ELL: variants seen among roughly 807,000 people sequenced by gnomAD.
ELL encodes the protein RNA polymerase II elongation factor ELL.
ELL carries 18 observed loss-of-function variants against 64.0 expected under a neutral mutation model. The ratio of observed to expected loss-of-function variants is 0.28; its 90% CI spans 0.19 to 0.42. ELL has a LOEUF of 0.42. Ranked by LOEUF, ELL falls within the 10% of genes least tolerant of loss-of-function variation. The pLI, the probability that ELL is intolerant of heterozygous loss-of-function variation, is 1.00. For missense variants in ELL, 797 were observed against 870.4 expected (o/e 0.92, Z 1.06); for synonymous variants, 399 against 376.2 (o/e 1.06, Z -0.70).
intron 1 of ELL, among the ~76,000 whole-genome samples, chr19:18,490,335 A>G (rs1975501663): frequency 6.6e-6 from 1 of 152,218 alleles, no homozygotes; most frequent in East Asian, 1.9e-4. Flanking sequence ...GAGAGTAAAA[A>G]TACTCTTCTG....
chr19:18,472,563 A>C, intron 2 of ELL: 1 of 455,538 alleles, frequency 2.2e-6, no homozygotes, highest in Non-Finnish European at 3.9e-6. Context: ...CTGCCCTATC[A>C]GAGTGGAAGC....
rs1407026708 is a variant in ELL at position 18,444,744 on chromosome 19, G to A, written c.*8C>T. 4.4e-6 allele frequency: 7 copies of A among 1,594,452 alleles called. No homozygotes were observed. Among genetic ancestry groups the A allele is most frequent in the Admixed American group, 1.7e-5 (1 of 59,108 alleles). ...ACCCTCCCAGATCCCCGCCATCGGGGAGGGCGGCTAGGGCCAAGCCTGCAG... is the reference window on the plus strand; with the variant it reads ...ACCCTCCCAGATCCCCGCCATCGGGAAGGGCGGCTAGGGCCAAGCCTGCAG... On this transcript the variant is annotated 3_prime_UTR_variant, in exon 12 of 12. Coordinates refer to ENST00000262809, the MANE Select transcript of ELL (RefSeq NM_006532.4).
At chr19:18,505,258 A>G (rs767269293) in intron 1 of ELL, among the ~76,000 whole-genome samples, 14 of 152,254 alleles carry the variant, frequency 9.2e-5, no homozygotes, top group African/African-American at 3.1e-4. Flanking sequence ...CTCACCCAAC[A>G]GCAAATGCAA....
At chr19:18,495,629 GAC>G (rs1185930957) in intron 1 of ELL, among the ~76,000 whole-genome samples, 1 of 152,246 alleles carries the variant, frequency 6.6e-6, no homozygotes, top group African/African-American at 2.4e-5. Context: ...TAGGCAGAGT[GAC>G]AGGCGGCAGT....
At chr19:18,476,148 G>A in intron 1 of ELL, among the ~76,000 whole-genome samples, 1 of 152,336 alleles carries the variant, frequency 6.6e-6, no homozygotes, top group Non-Finnish European at 1.5e-5. Flanking sequence ...GGGTATTCTG[G>A]AGGAGGGAGC....
intron 1 of ELL, among the ~76,000 whole-genome samples, chr19:18,508,489 G>A (rs1284520530): frequency 2.6e-5 from 4 of 152,214 alleles, no homozygotes; most frequent in African/African-American, 7.2e-5. Context: ...AAAGGGGCCA[G>A]AACAAAAGGA....
chr19:18,500,666 G>A (rs1422932055), intron 1 of ELL, among the ~76,000 whole-genome samples: 2 of 152,154 alleles, frequency 1.3e-5, no homozygotes, highest in African/African-American at 4.8e-5. Flanking sequence ...ACCTCTTGGC[G>A]AGCTCTCCCT....
At chr19:18,495,467 C>T (rs1975629346) in intron 1 of ELL, among the ~76,000 whole-genome samples, 5 of 152,222 alleles carry the variant, frequency 3.3e-5, no homozygotes. Flanking sequence ...CAACACCCAC[C>T]CAGCTGCCCT....
At position 18,450,984 on chromosome 19, in the gene ELL, G is replaced by T; in HGVS notation, c.967-9C>A. ...GGAGGCTGCAGCCGCTTCTGGAGAG[G>T]AGCAGAGATCATTTTAGAGGGGAGC... On this transcript the variant is annotated splice_polypyrimidine_tract_variant and intron_variant, in intron 7 of 11. Transcript: ENST00000262809. 1 of 1,516,184 alleles carries T rather than the reference G, an allele frequency of 6.6e-7. No homozygotes were observed. The highest frequency in any genetic ancestry group is 1.3e-5 in the South Asian group (1 of 77,052). The allele number at this position is 1,516,184 out of a possible 1,614,324, so 93.9% of individuals were successfully genotyped here. A position where few individuals can be genotyped will look rare whatever the true frequency, so the allele number is the denominator to read the frequency against.
intron 1 of ELL, among the ~76,000 whole-genome samples, chr19:18,505,317 C>T (rs565964344): frequency 7.2e-5 from 11 of 152,342 alleles, no homozygotes; most frequent in East Asian, 1.9e-4. Context: ...TTTTGCTATT[C>T]TTCTCTACTC....
intron 11 of ELL, 103 bp downstream of exon 11, chr19:18,445,121 C>T: frequency 2.6e-6 from 4 of 1,509,512 alleles, no homozygotes; most frequent in Non-Finnish European, 3.7e-6. Context: ...GCTCTTCCCC[C>T]ACACCTTGGA....
intron 1 of ELL, 97 bp from the exon 2 acceptor site, chr19:18,472,979 G>GTGAA: frequency 2.9e-6 from 4 of 1,368,700 alleles, no homozygotes; most frequent in Non-Finnish European, 3.9e-6. Flanking sequence ...AAGGAGCAGG[G>GTGAA]TGAAGATGGT....
chr19:18,457,224 C>T (rs374598298), intron 6 of ELL, among the ~76,000 whole-genome samples: 3 of 152,234 alleles, frequency 2.0e-5, no homozygotes, highest in African/African-American at 4.8e-5. Flanking sequence ...AGCTCCCCGA[C>T]GCCCCAGAGG....
chr19:18,471,281 G>A, intron 2 of ELL: 1 of 380,140 alleles, frequency 2.6e-6, no homozygotes, highest in South Asian at 1.9e-5. Flanking sequence ...AAGCTGAGGT[G>A]GGAGGATCCC....
chr19:18,518,237 CT>C (rs1976170591), intron 1 of ELL, among the ~76,000 whole-genome samples: 1 of 152,094 alleles, frequency 6.6e-6, no homozygotes, highest in South Asian at 2.1e-4. Flanking sequence ...CGATGGCTCA[CT>C]CTTGTAATTA....
chr19:18,513,839 G>A (rs1011645902), intron 1 of ELL, among the ~76,000 whole-genome samples: 2 of 152,056 alleles, frequency 1.3e-5, no homozygotes, highest in African/African-American at 2.4e-5. Flanking sequence ...GCTGAGGCAG[G>A]AGAATGGCAT....
chr19:18,482,427 C>CCTGCCTCTGCCT lies in ELL; in HGVS notation c.136-9557_136-9546dup, dbSNP rs551338878. The stretch of plus-strand genomic sequence containing the variant: ...CCGCCTCCTGGGTTGAAGCAATTCT[C>CCTGCCTCTGCCT]CTGCCTCTGCCTCTGCCTCTGCCTC... On this transcript the variant is annotated intron_variant, in intron 1 of 11. Coordinates refer to ENST00000262809, the MANE Select transcript of ELL (RefSeq NM_006532.4). Among the ~76,000 whole-genome samples, 526 of 146,658 alleles carry CCTGCCTCTGCCT rather than the reference C, an allele frequency of 3.6e-3. 5 individuals carry two copies. The highest frequency in any genetic ancestry group is 0.013 in the African/African-American group (498 of 39,162).
In ELL at chr19:18,458,461, AAG is replaced by A. The variant is rs1402127387; in HGVS notation, c.745-134_745-133del. The A allele has an allele frequency of 2.1e-6, 3 of 1,401,380 alleles. No individual in the cohort carries two copies. In the African/African-American group the frequency reaches 4.3e-5, roughly 20 times the overall value. The allele number at this position is 1,401,380 out of a possible 1,614,324, so 86.8% of individuals were successfully genotyped here. A position where few individuals can be genotyped will look rare whatever the true frequency, so the allele number is the denominator to read the frequency against. On this transcript the variant is annotated intron_variant, in intron 5 of 11. Coordinates refer to ENST00000262809, the MANE Select transcript of ELL (RefSeq NM_006532.4). ...AGACAGACAGAGACAGAGGAGAGGA[AAG>A]AGGATGGCCCACTACCGATCCGTGA...
chr19:18,482,007 G>A (rs142507535), intron 1 of ELL, among the ~76,000 whole-genome samples: 4 of 152,080 alleles, frequency 2.6e-5, no homozygotes, highest in South Asian at 2.1e-4. Flanking sequence ...CCCCATCCAC[G>A]TCAACATTTA....
Sources: allele counts gnomAD v4.1 joint callset (sites outside exome capture counted in the v4.1 genomes callset), GRCh38; gene constraint gnomAD v4.1.1; transcripts MANE v1.5; gene names NCBI Gene and HGNC (gene_info 2026-07-23, HGNC 2026-07-21).